Variants in INPP4B observed in about 807,000 individuals in gnomAD.
INPP4B encodes the protein inositol polyphosphate 4-phosphatase type II.
Under a neutral mutation model 122.5 loss-of-function variants are expected in INPP4B, and 55 were observed. The ratio of observed to expected loss-of-function variants is 0.45; its 90% CI spans 0.36 to 0.56. INPP4B has a LOEUF of 0.56. Ranked by LOEUF, INPP4B falls within the 20% of genes least tolerant of loss-of-function variation. The pLI is 0.00. For missense variants in INPP4B, 1,000 were observed against 1,097.7 expected (o/e 0.91, Z 1.26); for synonymous variants, 403 against 388.7 (o/e 1.04, Z -0.43).
At chr4:142,299,122 T>C (rs1280200767) in intron 9 of INPP4B, among the ~76,000 whole-genome samples, 1 of 151,866 alleles carries the variant, frequency 6.6e-6, no homozygotes. Flanking sequence ...GACTCACATG[T>C]TTTCCTGCTT....
chr4:142,262,293 A>G (rs1740484378), intron 10 of INPP4B, among the ~76,000 whole-genome samples: 1 of 151,952 alleles, frequency 6.6e-6, no homozygotes. Flanking sequence ...CTCAACTCCA[A>G]CCACTACTCC....
At chr4:142,510,149 G>A (rs1245989802) in intron 2 of INPP4B, among the ~76,000 whole-genome samples, 1 of 152,082 alleles carries the variant, frequency 6.6e-6, no homozygotes, top group Non-Finnish European at 1.5e-5. Context: ...CTAATTAGAT[G>A]TTTAATTTTT....
At chr4:142,691,299 A>G (rs529643072) in intron 2 of INPP4B, among the ~76,000 whole-genome samples, 12 of 152,150 alleles carry the variant, frequency 7.9e-5, no homozygotes, top group East Asian at 3.9e-4. Flanking sequence ...TGTCAAAAAC[A>G]GTGGGTCCAA....
At chr4:142,593,277 A>G (rs1723254745) in intron 2 of INPP4B, among the ~76,000 whole-genome samples, 1 of 152,052 alleles carries the variant, frequency 6.6e-6, no homozygotes. Flanking sequence ...GGAGATTAGA[A>G]GGGATTATTT....
At chr4:142,531,260 G>A (rs905156911) in intron 2 of INPP4B, among the ~76,000 whole-genome samples, 107 of 140,926 alleles carry the variant, frequency 7.6e-4, no homozygotes, top group African/African-American at 1.7e-3. Flanking sequence ...AGGAAGAGAA[G>A]AAGAGATGAT....
intron 14 of INPP4B, among the ~76,000 whole-genome samples, chr4:142,199,932 G>A (rs1172364125): frequency 6.6e-6 from 1 of 151,982 alleles, no homozygotes; most frequent in African/African-American, 2.4e-5. Flanking sequence ...AACATACTTG[G>A]AGACTATGCA....
intron 2 of INPP4B, among the ~76,000 whole-genome samples, chr4:142,476,400 C>G (rs1665604713): frequency 6.6e-6 from 1 of 152,122 alleles, no homozygotes; most frequent in Non-Finnish European, 1.5e-5. Flanking sequence ...AGTACATAAA[C>G]CATTGACACT....
chr4:142,526,535 T>G (rs755640360), intron 2 of INPP4B, among the ~76,000 whole-genome samples: 4 of 152,076 alleles, frequency 2.6e-5, no homozygotes, highest in Non-Finnish European at 4.4e-5. Flanking sequence ...ACAGGATCAA[T>G]TGTATAGACA....
chr4:142,052,291 G>T (rs1303956397), intron 25 of INPP4B, among the ~76,000 whole-genome samples: 1 of 151,946 alleles, frequency 6.6e-6, no homozygotes, highest in Admixed American at 6.6e-5. Context: ...CATGCCTAAT[G>T]ATTTCTAAAG....
chr4:142,423,969 C>A (rs192053892), intron 5 of INPP4B, among the ~76,000 whole-genome samples: 1 of 152,060 alleles, frequency 6.6e-6, no homozygotes, highest in Admixed American at 6.6e-5. Flanking sequence ...CTATATGTAG[C>A]TTGTATAATA....
At chr4:142,630,660 G>A (rs1274400167) in intron 2 of INPP4B, among the ~76,000 whole-genome samples, 1 of 152,064 alleles carries the variant, frequency 6.6e-6, no homozygotes. Context: ...GACTTAGGAG[G>A]ACAGAAGAAG....
intron 9 of INPP4B, among the ~76,000 whole-genome samples, chr4:142,299,173 G>GTTTTTTTT (rs780746455): frequency 7.7e-5 from 11 of 143,470 alleles, no homozygotes; most frequent in South Asian, 2.2e-4. Context: ...TTTTTTTGGG[G>GTTTTTTTT]GGGAGACAGA....
chr4:142,567,333 C>G (rs1456088462), intron 2 of INPP4B, among the ~76,000 whole-genome samples: 1 of 152,154 alleles, frequency 6.6e-6, no homozygotes, highest in East Asian at 1.9e-4. Flanking sequence ...TCCGAGAGCA[C>G]AGCTGCCCTG....
rs34262906 is a variant in INPP4B, at chr4:142,803,649, T to TAAA, written c.-254+42557_-254+42559dup. ...CTTCCCAGGGGAATTCAATAAAACTTAAAAAAAAAAAACAAAAACAAAGAA... is the reference window on the plus strand; with the variant it reads ...CTTCCCAGGGGAATTCAATAAAACTTAAAAAAAAAAAAAAACAAAAACAAAGAA... On this transcript the variant is annotated intron_variant, in intron 1 of 25. Transcript: ENST00000262992. Among the ~76,000 whole-genome samples the TAAA allele has an allele frequency of 4.4e-3, 618 of 138,936 alleles. 3 individuals are homozygous for TAAA. Among genetic ancestry groups the TAAA allele is most frequent in the African/African-American group, 8.7e-3 (325 of 37,348 alleles). 91.1% of individuals were successfully genotyped at this position (138,936 alleles called of 152,430 possible). A position where few individuals can be genotyped will look rare whatever the true frequency, so the allele number is the denominator to read the frequency against.
chr4:142,477,932 A>C (rs1333446093), intron 2 of INPP4B, among the ~76,000 whole-genome samples: 1 of 152,190 alleles, frequency 6.6e-6, no homozygotes, highest in African/African-American at 2.4e-5. Context: ...CCTCCTGAGT[A>C]GCTGGAACTA....
Position 142,354,838 on chromosome 4 carries a change from G to T in INPP4B, c.373-40076C>A, listed in dbSNP as rs1019457837. ...AATATACCTAACTAACATACGGCTAGTTATCTATTTCTGTATAACAAAGCG... is the reference window on the plus strand; with the variant it reads ...AATATACCTAACTAACATACGGCTATTTATCTATTTCTGTATAACAAAGCG... On this transcript the variant is annotated intron_variant, in intron 7 of 25. Coordinates refer to ENST00000262992, the MANE Select transcript of INPP4B (RefSeq NM_001101669.3). Among the ~76,000 whole-genome samples, 7 of 152,010 alleles carry T rather than the reference G, an allele frequency of 4.6e-5. No individual in the cohort carries two copies. In the South Asian group the frequency reaches 6.2e-4, roughly 13 times the overall value.
intron 1 of INPP4B, among the ~76,000 whole-genome samples, chr4:142,745,886 T>A (rs757422253): frequency 1.3e-5 from 2 of 151,866 alleles, no homozygotes; most frequent in Non-Finnish European, 2.9e-5. Flanking sequence ...ATGACAATCT[T>A]AAATATGTAT....
At chr4:142,402,436 G>A (rs558116018) in intron 7 of INPP4B, among the ~76,000 whole-genome samples, 2 of 152,282 alleles carry the variant, frequency 1.3e-5, no homozygotes, top group East Asian at 3.9e-4. Flanking sequence ...TGGCCTTCTT[G>A]AAAAGAGAGC....
In INPP4B at chr4:142,437,673, T is replaced by C. The variant is rs1262799961; in HGVS notation, c.-126-6288A>G. Among the ~76,000 whole-genome samples the C allele has an allele frequency of 1.3e-5, 2 of 152,016 alleles. 1 individual carries two copies. The highest frequency in any genetic ancestry group is 2.9e-5 in the Non-Finnish European group (2 of 67,974). ...CTGGCCAAACTAAGCTTCACAAGCTTAGTTTAATGATAAAGGGGATATCAC... is the reference window on the plus strand; with the variant it reads ...CTGGCCAAACTAAGCTTCACAAGCTCAGTTTAATGATAAAGGGGATATCAC... On this transcript the variant is annotated intron_variant, in intron 3 of 25. Transcript: ENST00000262992.
Sources: allele counts gnomAD v4.1 joint callset (sites outside exome capture counted in the v4.1 genomes callset), GRCh38; gene constraint gnomAD v4.1.1; transcripts MANE v1.5; gene names NCBI Gene and HGNC (gene_info 2026-07-23, HGNC 2026-07-21).